Variants in SLC9C1 observed in about 807,000 individuals in gnomAD.
SLC9C1 encodes the protein solute carrier family 9 member C1, also known as sodium/hydrogen exchanger 10.
In SLC9C1, 97 loss-of-function variants were observed where a neutral mutation model predicts 140.9. The ratio of observed to expected loss-of-function variants is 0.69; its 90% CI spans 0.58 to 0.82. The LOEUF is 0.82. SLC9C1 is among the 40% of genes least tolerant of loss of function. The pLI, the probability that SLC9C1 is intolerant of heterozygous loss-of-function variation, is 0.00. For missense variants in SLC9C1, 1,340 were observed against 1,389.3 expected, an observed-to-expected ratio of 0.96 and a Z score of 0.56; for synonymous variants, 440 against 442.6, an observed-to-expected ratio of 0.99 and a Z score of 0.07.
At chr3:112,226,300 G>A (rs989001716) in intron 13 of SLC9C1, among the ~76,000 whole-genome samples, 2 of 151,634 alleles carry the variant, frequency 1.3e-5, no homozygotes, top group African/African-American at 2.4e-5. Context: ...GATAGATCAA[G>A]AAAAAAAATT....
chr3:112,259,247 A>G (rs1559724952), intron 10 of SLC9C1, among the ~76,000 whole-genome samples: 1 of 152,122 alleles, frequency 6.6e-6, no homozygotes, highest in Non-Finnish European at 1.5e-5. Flanking sequence ...CTAAATGATG[A>G]GAACATATGG....
At chr3:112,292,681 C>A (rs1193449341) in intron 1 of SLC9C1, among the ~76,000 whole-genome samples, 5 of 151,902 alleles carry the variant, frequency 3.3e-5, no homozygotes, top group African/African-American at 1.2e-4. Flanking sequence ...GTAGCTGGGA[C>A]TACAGGCGCC....
chr3:112,146,543 T>C (rs994507782), intron 28 of SLC9C1, among the ~76,000 whole-genome samples: 4 of 152,210 alleles, frequency 2.6e-5, no homozygotes, highest in African/African-American at 9.6e-5. Context: ...TGTTTTTGAT[T>C]TTTGCCTTGA....
chr3:112,154,927 G>T (rs2075085147), intron 27 of SLC9C1, 70 bp downstream of exon 27: 1 of 1,399,816 alleles, frequency 7.1e-7, no homozygotes, highest in East Asian at 2.3e-5. Context: ...AAACACATTG[G>T]TAGTTTCCAT....
chr3:112,233,050 C>CACACACACAT (rs1326383624), intron 12 of SLC9C1, among the ~76,000 whole-genome samples: 14 of 86,628 alleles, frequency 1.6e-4, no homozygotes, highest in African/African-American at 5.5e-4. Flanking sequence ...CACACACACA[C>CACACACACAT]ATATATATAT....
chr3:112,157,097 G>A (rs2075146776), intron 26 of SLC9C1, among the ~76,000 whole-genome samples: 1 of 151,816 alleles, frequency 6.6e-6, no homozygotes, highest in African/African-American at 2.4e-5. Flanking sequence ...AAATATTCAG[G>A]CCAATGTCCT....
intron 28 of SLC9C1, among the ~76,000 whole-genome samples, chr3:112,143,986 T>C (rs1045470964): frequency 1.8e-4 from 27 of 152,118 alleles, no homozygotes; most frequent in African/African-American, 6.3e-4. Context: ...GTTATCCTAG[T>C]ACCAGTTATT....
chr3:112,215,955 A>G (rs531406271), intron 15 of SLC9C1, among the ~76,000 whole-genome samples: 1 of 152,356 alleles, frequency 6.6e-6, no homozygotes, highest in East Asian at 1.9e-4. Context: ...ACTTCAAACT[A>G]TACTACAAGG....
intron 12 of SLC9C1, among the ~76,000 whole-genome samples, chr3:112,239,286 T>G (rs1303074814): frequency 6.6e-6 from 1 of 152,228 alleles, no homozygotes; most frequent in East Asian, 1.9e-4. Context: ...GGTGTGCTGT[T>G]TGCTAAGACC....
intron 20 of SLC9C1, chr3:112,185,861 C>T (rs1346423463): frequency 2.9e-5 from 46 of 1,589,974 alleles, no homozygotes; most frequent in Non-Finnish European, 3.9e-5. Context: ...CTGCGCGGCA[C>T]AGCTCCCACT....
intron 14 of SLC9C1, among the ~76,000 whole-genome samples, chr3:112,218,265 A>G (rs2078442098): frequency 6.6e-6 from 1 of 150,984 alleles, no homozygotes; most frequent in Admixed American, 6.6e-5. Context: ...CAAGGAATTT[A>G]CCTGCTGCTG....
At chr3:112,227,189 C>G (rs1224778358) in intron 13 of SLC9C1, among the ~76,000 whole-genome samples, 2 of 151,982 alleles carry the variant, frequency 1.3e-5, no homozygotes, top group Non-Finnish European at 2.9e-5. Flanking sequence ...AATATAAAGT[C>G]TCCCAAGAAA....
intron 6 of SLC9C1, among the ~76,000 whole-genome samples, chr3:112,274,179 A>AAGATAC (rs1356555803): frequency 2.6e-5 from 4 of 152,138 alleles, no homozygotes; most frequent in Admixed American, 2.6e-4. Flanking sequence ...TTCTAGGAGG[A>AAGATAC]AGATACAGGG....
chr3:112,196,550 C>G (rs1160640818), intron 20 of SLC9C1, among the ~76,000 whole-genome samples: 5 of 152,080 alleles, frequency 3.3e-5, no homozygotes, highest in African/African-American at 1.2e-4. Flanking sequence ...CCCTTAGGCT[C>G]TGTTAACTTT....
intron 13 of SLC9C1, among the ~76,000 whole-genome samples, chr3:112,225,576 C>T (rs2078662362): frequency 1.3e-5 from 2 of 151,530 alleles, no homozygotes; most frequent in South Asian, 4.2e-4. Context: ...TCAATAATAT[C>T]CCTGAATGTA....
chr3:112,206,818 G>A (rs1255713456), intron 16 of SLC9C1, among the ~76,000 whole-genome samples: 5 of 146,806 alleles, frequency 3.4e-5, no homozygotes, highest in African/African-American at 1.3e-4. Flanking sequence ...ACAGGGCAAG[G>A]AACATCACAC....
intron 10 of SLC9C1, among the ~76,000 whole-genome samples, chr3:112,247,519 C>A (rs905632171): frequency 8.5e-5 from 13 of 152,150 alleles, no homozygotes; most frequent in African/African-American, 3.1e-4. Flanking sequence ...GATATAAAGA[C>A]AACCCATAGG....
At position 112,208,388 on chromosome 3, in the gene SLC9C1, G is replaced by A; in HGVS notation, c.1791-15C>T. Reference sequence around the variant, plus strand: ...AAAAGAAGTATCTGTAAAACAAAAAGACAGTTTTATCTGATAAAAGGTTTA... The same window carrying A: ...AAAAGAAGTATCTGTAAAACAAAAAAACAGTTTTATCTGATAAAAGGTTTA... On this transcript the variant is annotated splice_polypyrimidine_tract_variant and intron_variant, in intron 15 of 28. Transcript: ENST00000305815. The A allele has an allele frequency of 1.3e-6, 2 of 1,490,084 alleles. No homozygotes were observed. The highest frequency in any genetic ancestry group is 1.3e-5 in the South Asian group (1 of 75,038). 92.3% of individuals were successfully genotyped at this position (1,490,084 alleles called of 1,614,324 possible). A position where few individuals can be genotyped will look rare whatever the true frequency, so the allele number is the denominator to read the frequency against.
chr3:112,205,638 C>CATGACT (rs1412005171), intron 16 of SLC9C1, among the ~76,000 whole-genome samples: 17 of 64,520 alleles, frequency 2.6e-4, no homozygotes, highest in East Asian at 4.1e-3. Context: ...CAGCATGGTA[C>CATGACT]TGGTACCAAA....
Sources: allele counts gnomAD v4.1 joint callset (sites outside exome capture counted in the v4.1 genomes callset), GRCh38; gene constraint gnomAD v4.1.1; transcripts MANE v1.5; gene names NCBI Gene and HGNC (gene_info 2026-07-23, HGNC 2026-07-21).